RNF185: variants seen among roughly 807,000 people sequenced by gnomAD.
The protein encoded by RNF185 is ring finger protein 185.
Under a neutral mutation model 24.9 loss-of-function variants are expected in RNF185, and 13 were observed. The observed-to-expected ratio is 0.52, with a 90% CI of 0.34 to 0.83. The LOEUF (loss-of-function observed/expected upper bound fraction) is 0.83, where lower values mean the gene tolerates loss of function less well. Among genes scored for constraint, RNF185 ranks in the 40% least tolerant of loss-of-function variants. The pLI is 0.01. For missense variants in RNF185, 184 were observed against 244.7 expected, an observed-to-expected ratio of 0.75 and a Z score of 1.65; for synonymous variants, 79 against 90.3, an observed-to-expected ratio of 0.88 and a Z score of 0.71.
intron 1 of RNF185, among the ~76,000 whole-genome samples, chr22:31,176,835 A>C (rs543159417): frequency 6.6e-6 from 1 of 152,072 alleles, no homozygotes; most frequent in African/African-American, 2.4e-5. Context: ...TGAAATTCCT[A>C]CGTAAGCAAA....
At chr22:31,203,565 A>G (rs981166398) in intron 6 of RNF185, among the ~76,000 whole-genome samples, 10 of 152,370 alleles carry the variant, frequency 6.6e-5, no homozygotes, top group African/African-American at 2.4e-4. Flanking sequence ...CTTAGCAGAT[A>G]GAAGATACTT....
At chr22:31,187,733 A>G (rs546983930) in intron 2 of RNF185, among the ~76,000 whole-genome samples, 1 of 152,354 alleles carries the variant, frequency 6.6e-6, no homozygotes, top group South Asian at 2.1e-4. Flanking sequence ...AGAAGAGCAC[A>G]TAGCTTGCAG....
chr22:31,161,416 C>T (rs1377928789), intron 1 of RNF185, among the ~76,000 whole-genome samples: 1 of 152,194 alleles, frequency 6.6e-6, no homozygotes, highest in East Asian at 1.9e-4. Flanking sequence ...TAGCCTACAT[C>T]TCCTGTAAAT....
chr22:31,171,124 T>G (rs1004858293), intron 1 of RNF185, among the ~76,000 whole-genome samples: 8 of 151,798 alleles, frequency 5.3e-5, no homozygotes, highest in Admixed American at 2.0e-4. Flanking sequence ...ATAAACTCCT[T>G]GAGCACAGGA....
intron 3 of RNF185, 99 bp from the exon 4 acceptor site, chr22:31,195,370 C>T: frequency 1.5e-6 from 1 of 675,688 alleles, no homozygotes; most frequent in South Asian, 2.0e-5. Flanking sequence ...CTGGTGTTTC[C>T]CAGTTTGAGG....
intron 2 of RNF185, among the ~76,000 whole-genome samples, chr22:31,189,135 A>ATATGTGTGTGTG (rs368967009): frequency 0.14 from 19,069 of 136,644 alleles, 1,596 homozygotes; most frequent in East Asian, 0.28. Context: ...CAAAAAAAAA[A>ATATGTGTGTGTG]TGTGTGTGTG....
At position 31,192,723 on chromosome 22, in the gene RNF185, CT is replaced by C. The variant is rs777068139; in HGVS notation, c.195+24del. Reference sequence around the variant, plus strand: ...ATCAGGTAAGATGCATTTCATTTTACTTTGTCTTTCATCAGCTCTGGTTGCA... The same window carrying C: ...ATCAGGTAAGATGCATTTCATTTTACTTGTCTTTCATCAGCTCTGGTTGCA... On this transcript the variant is annotated intron_variant, in intron 3 of 6. Transcript: ENST00000326132. 134 of 1,612,346 alleles carry C rather than the reference CT, an allele frequency of 8.3e-5. 1 individual carries two copies. Among genetic ancestry groups the C allele is most frequent in the Non-Finnish European group, 8.5e-7 (1 of 1,178,558 alleles).
At chr22:31,194,638 G>A (rs528034032) in intron 3 of RNF185, among the ~76,000 whole-genome samples, 6 of 152,224 alleles carry the variant, frequency 3.9e-5, no homozygotes, top group African/African-American at 1.4e-4. Context: ...TGAGACAGGA[G>A]AATTGCTTGA....
At position 31,195,531 on chromosome 22, in the gene RNF185, C is replaced by T. The variant is rs757289381; in HGVS notation, c.258C>T (p.Asp86=). ...CPVCKAGISR[D]KVIPLYGRGS... ...TTTGCAAAGCTGGCATCAGCCGAGACAAGGTCATCCCCCTCTATGGAAGGG... is the reference window on the plus strand; with the variant it reads ...TTTGCAAAGCTGGCATCAGCCGAGATAAGGTCATCCCCCTCTATGGAAGGG... Residue 86 remains aspartate, a synonymous_variant, in exon 4 of 7, where the codon GAC becomes GAT. Coordinates refer to ENST00000326132, the MANE Select transcript of RNF185 (RefSeq NM_152267.4). 1.2e-6 allele frequency: 2 copies of T among 1,611,634 alleles called. No homozygotes were observed. Among genetic ancestry groups the T allele is most frequent in the Non-Finnish European group, 1.7e-6 (2 of 1,178,950 alleles).
In RNF185 at chr22:31,204,462, C is replaced by T. The variant is rs1002452767; in HGVS notation, c.482-27C>T. ...GTGCATAGCTGCAGTGTTCTAATAG[C>T]CTGTTTTCTCCTTTCTGTCTCTCCA... On this transcript the variant is annotated intron_variant, in intron 6 of 6. Transcript: ENST00000326132. The T allele has an allele frequency of 6.7e-6, 10 of 1,492,352 alleles. No individual in the cohort carries two copies. The African/African-American group carries it at 9.7e-5, about 14-fold the overall frequency. The allele number at this position is 1,492,352 out of a possible 1,614,324, so 92.4% of individuals were successfully genotyped here.
At chr22:31,201,469 C>G in intron 5 of RNF185, 29 bp from the exon 6 acceptor site, 1 of 1,535,218 alleles carries the variant, frequency 6.5e-7, no homozygotes, top group Non-Finnish European at 9.0e-7. Flanking sequence ...CCTGATTCTC[C>G]TGCCCTTAAT....
At chr22:31,175,077 A>T (rs1162430689) in intron 1 of RNF185, among the ~76,000 whole-genome samples, 4 of 8,742 alleles carry the variant, frequency 4.6e-4, no homozygotes, top group African/African-American at 3.9e-3. Context: ...GTCTCAAATT[A>T]AAAAAAAAAA....
chr22:31,172,623 C>G (rs890816058), intron 1 of RNF185, among the ~76,000 whole-genome samples: 1 of 151,880 alleles, frequency 6.6e-6, no homozygotes, highest in African/African-American at 2.4e-5. Flanking sequence ...ATGGTGCACA[C>G]CTGTGGTCCC....
chr22:31,166,980 A>G (rs1903214628), intron 1 of RNF185, among the ~76,000 whole-genome samples: 1 of 152,046 alleles, frequency 6.6e-6, no homozygotes, highest in Non-Finnish European at 1.5e-5. Context: ...GCCTACATAG[A>G]TTTCCATTTC....
At chr22:31,184,850 G>C (rs1482723576) in intron 1 of RNF185, among the ~76,000 whole-genome samples, 1 of 150,776 alleles carries the variant, frequency 6.6e-6, no homozygotes, top group Non-Finnish European at 1.5e-5. Flanking sequence ...GCTGCAGTGA[G>C]CCAAGATGGC....
At chr22:31,193,938 G>T (rs182771000) in intron 3 of RNF185, among the ~76,000 whole-genome samples, 396 of 149,676 alleles carry the variant, frequency 2.6e-3, no homozygotes, top group Non-Finnish European at 3.9e-3. Flanking sequence ...TGTCGCCCAG[G>T]CTAGAGTGCA....
intron 2 of RNF185, 108 bp downstream of exon 2, chr22:31,187,378 C>G: frequency 8.2e-7 from 1 of 1,216,772 alleles, no homozygotes; most frequent in Non-Finnish European, 1.2e-6. Flanking sequence ...GGAATACACT[C>G]AGGCTCAAGG....
intron 1 of RNF185, among the ~76,000 whole-genome samples, chr22:31,179,652 G>C (rs2048014951): frequency 6.6e-6 from 1 of 152,210 alleles, no homozygotes; most frequent in South Asian, 2.1e-4. Flanking sequence ...GGACATGCAG[G>C]CCTGTCTCAG....
chr22:31,166,087 A>G (rs1025070151), intron 1 of RNF185, among the ~76,000 whole-genome samples: 2 of 151,958 alleles, frequency 1.3e-5, no homozygotes, highest in Non-Finnish European at 2.9e-5. Flanking sequence ...CATCTCCCAG[A>G]TTCAAGCAAT....
Sources: gnomAD v4.1 joint callset for allele counts (sites outside exome capture counted in the v4.1 genomes callset) on GRCh38, gnomAD v4.1.1 for gene constraint, MANE v1.5 for transcripts, NCBI Gene and HGNC (gene_info 2026-07-23, HGNC 2026-07-21) for gene names.